Variants in HERC1 observed in about 807,000 individuals in gnomAD.
The protein encoded by HERC1 is HECT and RLD domain containing E3 ubiquitin protein ligase family member 1, also known as probable E3 ubiquitin-protein ligase HERC1.
A neutral mutation model predicts 554.3 loss-of-function variants in HERC1; 160 were observed. That is an observed-to-expected ratio of 0.29 (90% CI 0.25 to 0.33). HERC1 has a LOEUF of 0.33. HERC1 is among the 10% of genes least tolerant of loss of function. The probability of loss-of-function intolerance (pLI) is 1.00; values close to 1 mark genes in which losing one functional copy is unlikely to be tolerated. For synonymous variants in HERC1, 2,175 were observed against 2,131.7 expected, an observed-to-expected ratio of 1.02 and a Z score of -0.56; for missense variants, 4,919 against 5,918.5, an observed-to-expected ratio of 0.83 and a Z score of 5.54.
At chr15:63,821,804 GTAC>G (rs1398288858) in intron 1 of HERC1, among the ~76,000 whole-genome samples, 1 of 150,646 alleles carries the variant, frequency 6.6e-6, no homozygotes, top group Non-Finnish European at 1.5e-5. Context: ...TCCTGGAGTT[GTAC>G]TCCTAGTTTA....
chr15:63,823,680 A>G (rs1216395409), intron 1 of HERC1, among the ~76,000 whole-genome samples: 1 of 152,202 alleles, frequency 6.6e-6, no homozygotes, highest in Non-Finnish European at 1.5e-5. Flanking sequence ...AATTATTTAC[A>G]TATAACAAAT....
chr15:63,620,887 C>G lies in HERC1; in HGVS notation c.13688+1928G>C, dbSNP rs143960035. ...CCCTTTATTTTGAGCCTATATGTGT[C>G]TCTGCATGTGAGATGGGTTTCCTGA... On this transcript the variant is annotated intron_variant, in intron 74 of 77. Coordinates refer to ENST00000443617, the MANE Select transcript of HERC1 (RefSeq NM_003922.4). 2.1e-3 allele frequency among the ~76,000 whole-genome samples: 321 copies of G among 152,222 alleles called. 1 individual carries two copies. The highest frequency in any genetic ancestry group is 7.4e-3 in the African/African-American group (309 of 41,528).
intron 69 of HERC1, 68 bp downstream of exon 69, chr15:63,630,398 T>G (rs749753656): frequency 5.6e-5 from 83 of 1,482,488 alleles, no homozygotes; most frequent in Middle Eastern, 5.3e-4. Flanking sequence ...GCTTATCTCT[T>G]TCCCCAACTG....
Position 63,661,988 on chromosome 15 carries a change from C to T in HERC1, c.8935G>A (p.Val2979Met), listed in dbSNP as rs1303020788. ...VCESEDREEV[V>M]VCELCECSVV... ...CTGCATTCACACAGTTCACACACCA[C>T]CACTTCTTCCCTGTCTTCAGACTCA... Residue 2979 changes from valine to methionine, a missense_variant, in exon 45 of 78, where the codon GTG (valine) becomes ATG (methionine). Transcript: ENST00000443617. The T allele has an allele frequency of 1.2e-6, 2 of 1,613,714 alleles. No homozygotes were observed. Among genetic ancestry groups the T allele is most frequent in the Admixed American group, 1.7e-5 (1 of 60,012 alleles).
chr15:63,783,852 G>C (rs1391073749), intron 1 of HERC1, among the ~76,000 whole-genome samples: 1 of 152,084 alleles, frequency 6.6e-6, no homozygotes, highest in African/African-American at 2.4e-5. Context: ...CAGATCTCGA[G>C]GTCAGGAGAT....
intron 2 of HERC1, among the ~76,000 whole-genome samples, chr15:63,771,685 G>A (rs924376406): frequency 5.3e-5 from 8 of 151,740 alleles, no homozygotes; most frequent in African/African-American, 1.7e-4. Context: ...TGCCCGCCTC[G>A]GCCTCCCAAA....
At chr15:63,706,628 C>A (rs2073019483) in intron 25 of HERC1, among the ~76,000 whole-genome samples, 152 bp downstream of exon 25, 1 of 151,838 alleles carries the variant, frequency 6.6e-6, no homozygotes, top group Non-Finnish European at 1.5e-5. Context: ...TAAAATGATT[C>A]TGAAATTTTT....
intron 54 of HERC1, among the ~76,000 whole-genome samples, chr15:63,649,170 T>C (rs551556835): frequency 2.1e-4 from 32 of 152,274 alleles, no homozygotes; most frequent in Non-Finnish European, 3.7e-4. Context: ...CTGGCCAACA[T>C]GGTGAAACCC....
In HERC1 at chr15:63,727,393, A is replaced by G. The variant is rs911338791; in HGVS notation, c.3346+254T>C. On this transcript the variant is annotated intron_variant, in intron 17 of 77. Coordinates refer to ENST00000443617, the MANE Select transcript of HERC1 (RefSeq NM_003922.4). The surrounding 1 kb of genome is among the most constrained non-coding windows in gnomAD (Gnocchi z 4.3). Reference sequence around the variant, plus strand: ...AAGTGACACTTGATCACTGAACTGTATAATGTTAAAATAAGATAGGCCCTC... The same window carrying G: ...AAGTGACACTTGATCACTGAACTGTGTAATGTTAAAATAAGATAGGCCCTC... Among the ~76,000 whole-genome samples the G allele has an allele frequency of 1.3e-5, 2 of 152,222 alleles. No homozygotes were observed. Among genetic ancestry groups the G allele is most frequent in the Non-Finnish European group, 2.9e-5 (2 of 68,036 alleles).
intron 51 of HERC1, among the ~76,000 whole-genome samples, chr15:63,653,726 T>G (rs1223685760): frequency 6.6e-6 from 1 of 152,230 alleles, no homozygotes; most frequent in African/African-American, 2.4e-5. Context: ...ACAGTTATAC[T>G]GTACTTTTCA....
intron 61 of HERC1, 57 bp downstream of exon 61, chr15:63,640,095 C>A: frequency 6.6e-7 from 1 of 1,523,282 alleles, no homozygotes; most frequent in Non-Finnish European, 9.0e-7. Flanking sequence ...CTGCTACATG[C>A]CCAATACCCA....
chr15:63,623,222 A>C (rs1365277513), intron 73 of HERC1, among the ~76,000 whole-genome samples: 2 of 152,200 alleles, frequency 1.3e-5, no homozygotes, highest in African/African-American at 4.8e-5. Context: ...GGTTTACTGG[A>C]AAAATCCTGA....
chr15:63,793,922 A>T (rs1211262533), intron 1 of HERC1, among the ~76,000 whole-genome samples: 1 of 152,216 alleles, frequency 6.6e-6, no homozygotes. Flanking sequence ...ATAGGAGGTC[A>T]GCACAAAATA....
rs1452176849 is a variant in HERC1, at chr15:63,758,919, G to A, written c.1027-550C>T. 6.6e-6 allele frequency among the ~76,000 whole-genome samples: 1 copy of A among 151,704 alleles called. No individual in the cohort carries two copies. Among genetic ancestry groups the A allele is most frequent in the Non-Finnish European group, 1.5e-5 (1 of 67,946 alleles). ...CCCCAACTTTTTTTTTAAATAGATG[G>A]GGTCTCATTATCTTACACAGACTAG... On this transcript the variant is annotated intron_variant, in intron 3 of 77. Coordinates refer to ENST00000443617, the MANE Select transcript of HERC1 (RefSeq NM_003922.4). The surrounding 1 kb of genome is among the most constrained non-coding windows in gnomAD (Gnocchi z 4.0).
chr15:63,622,091 C>A (rs1026139571), intron 74 of HERC1, among the ~76,000 whole-genome samples: 6 of 152,086 alleles, frequency 3.9e-5, no homozygotes, highest in African/African-American at 1.4e-4. Context: ...ATCCAAAATT[C>A]AAAATTTTGC....
chr15:63,657,554 C>A (rs2070114548), intron 48 of HERC1, among the ~76,000 whole-genome samples: 1 of 152,020 alleles, frequency 6.6e-6, no homozygotes, highest in Admixed American at 6.5e-5. Context: ...TTACTAATAT[C>A]TTCTCCCATT....
intron 51 of HERC1, among the ~76,000 whole-genome samples, chr15:63,652,893 GC>G (rs1381994146): frequency 2.0e-5 from 3 of 152,008 alleles, no homozygotes. Flanking sequence ...CAAGTGATCC[GC>G]CCACCTCAGC....
intron 74 of HERC1, among the ~76,000 whole-genome samples, chr15:63,617,476 C>G (rs962989109): frequency 6.6e-6 from 1 of 152,166 alleles, no homozygotes; most frequent in Non-Finnish European, 1.5e-5. Context: ...CATACGTGTG[C>G]ATGTGTCCTT....
At chr15:63,695,956 C>T (rs1413277160) in intron 27 of HERC1, among the ~76,000 whole-genome samples, 168 bp downstream of exon 27, 1 of 152,182 alleles carries the variant, frequency 6.6e-6, no homozygotes, top group Non-Finnish European at 1.5e-5. Flanking sequence ...CCACAGCTCA[C>T]CTAATCTCTA....
Sources: gnomAD v4.1 joint callset for allele counts (sites outside exome capture counted in the v4.1 genomes callset) on GRCh38, gnomAD v4.1.1 for gene constraint, Gnocchi (gnomAD v3.1) non-coding constraint, MANE v1.5 for transcripts, NCBI Gene and HGNC (gene_info 2026-07-23, HGNC 2026-07-21) for gene names.